Variants in BLTP1 observed in about 807,000 individuals in gnomAD.
BLTP1 encodes fragile site-associated protein.
the BLTP1 span, among the ~76,000 whole-genome samples, chr4:122,154,645 G>A: frequency 2.6e-4 from 40 of 152,226 alleles, no homozygotes; most frequent in Non-Finnish European, 4.3e-4. Flanking sequence ...AGGCCGAGGC[G>A]GGCGGATCAC....
At chr4:122,178,254 C>A in the BLTP1 span, 1 of 552,856 alleles carries the variant, frequency 1.8e-6, no homozygotes, top group Non-Finnish European at 2.3e-6. Context: ...TACCAGGAAA[C>A]TCTTTTAAAT....
At chr4:122,327,309 C>G in the BLTP1 span, among the ~76,000 whole-genome samples, 1 of 151,616 alleles carries the variant, frequency 6.6e-6, no homozygotes, top group African/African-American at 2.4e-5. Context: ...TTGCACATAA[C>G]CTACATACAT....
chr4:122,271,058 G>T, the BLTP1 span: 1 of 1,613,324 alleles, frequency 6.2e-7, no homozygotes, highest in Admixed American at 1.7e-5. Flanking sequence ...GTTCAAACCA[G>T]CATTAATGTT....
chr4:122,170,688 C>G, the BLTP1 span: 2 of 1,597,682 alleles, frequency 1.3e-6, no homozygotes, highest in Non-Finnish European at 1.7e-6. Flanking sequence ...CCTAGTATAA[C>G]TCAATTAGAA....
chr4:122,159,644 G>T, the BLTP1 span, among the ~76,000 whole-genome samples: 3 of 152,020 alleles, frequency 2.0e-5, no homozygotes, highest in African/African-American at 7.3e-5. Context: ...GTCAAGTGCT[G>T]TGCTGTGAGT....
the BLTP1 span, chr4:122,197,054 T>C: frequency 1.8e-6 from 1 of 565,232 alleles, no homozygotes; most frequent in Non-Finnish European, 2.9e-6. Flanking sequence ...GTATTTTTGG[T>C]AAAAATTTGA....
chr4:122,279,930 C>A, the BLTP1 span: 1 of 1,614,152 alleles, frequency 6.2e-7, no homozygotes, highest in South Asian at 1.1e-5. Context: ...GTTCGAAGTT[C>A]TCACCAACTA....
At chr4:122,154,999 C>CA in the BLTP1 span, 1 of 859,648 alleles carries the variant, frequency 1.2e-6, no homozygotes, top group Non-Finnish European at 1.4e-6. Flanking sequence ...AAGACATGAT[C>CA]AAAGGTGATT....
chr4:122,189,139 T>A, the BLTP1 span: 1 of 882,468 alleles, frequency 1.1e-6, no homozygotes, highest in South Asian at 5.2e-5. Context: ...TATTAATAAT[T>A]TGTATAAAAA....
chr4:122,240,429 T>C, the BLTP1 span: 3 of 1,270,068 alleles, frequency 2.4e-6, no homozygotes, highest in Non-Finnish European at 3.3e-6. Context: ...TTTTCATAAT[T>C]ACTCTCATTC....
the BLTP1 span, among the ~76,000 whole-genome samples, chr4:122,268,286 A>G: frequency 1.3e-5 from 2 of 151,480 alleles, no homozygotes; most frequent in African/African-American, 4.9e-5. Context: ...CTTATCAAAG[A>G]GTAGTTTGAA....
chr4:122,269,472 C>T, the BLTP1 span: 12 of 985,158 alleles, frequency 1.2e-5, no homozygotes, highest in East Asian at 1.1e-4. Context: ...TTTCTACTAA[C>T]GCGCCAGCTC....
chr4:122,309,464 TGTGA>T, the BLTP1 span: 1 of 1,611,650 alleles, frequency 6.2e-7, no homozygotes, highest in Non-Finnish European at 8.5e-7. Context: ...GATGAATGCC[TGTGA>T]GTATCTTTTA....
the BLTP1 span, among the ~76,000 whole-genome samples, chr4:122,278,680 G>A: frequency 6.6e-6 from 1 of 152,160 alleles, no homozygotes; most frequent in Non-Finnish European, 1.5e-5. Context: ...TCCCCATGCG[G>A]GAGTGCAGTG....
chr4:122,295,186 A>G, the BLTP1 span, among the ~76,000 whole-genome samples: 1 of 152,182 alleles, frequency 6.6e-6, no homozygotes, highest in Non-Finnish European at 1.5e-5. Context: ...TGGAAAACAT[A>G]CTTCAGGATA....
the BLTP1 span, among the ~76,000 whole-genome samples, chr4:122,198,804 A>G: frequency 6.6e-6 from 1 of 152,176 alleles, no homozygotes; most frequent in African/African-American, 2.4e-5. Flanking sequence ...AAAGAAAAAA[A>G]GCCCAGAGCA....
chr4:122,287,857 T>C, the BLTP1 span: 1 of 290,818 alleles, frequency 3.4e-6, no homozygotes, highest in Non-Finnish European at 5.1e-6. Context: ...ACTTGTACTT[T>C]CTACTCTGAA....
At chr4:122,307,637 A>G in the BLTP1 span, 1 of 985,292 alleles carries the variant, frequency 1.0e-6, no homozygotes, top group Non-Finnish European at 1.2e-6. Flanking sequence ...GTCTGTTTTC[A>G]TTTGTTATTC....
the BLTP1 span, chr4:122,258,706 G>T: frequency 1.2e-6 from 2 of 1,613,170 alleles, no homozygotes; most frequent in Non-Finnish European, 1.7e-6. Context: ...TTCAGCCACA[G>T]TCAGTGAACA....
Sources: gnomAD v4.1 joint callset for allele counts (sites outside exome capture counted in the v4.1 genomes callset) on GRCh38, gnomAD v4.1.1 for gene constraint, MANE v1.5 for transcripts, NCBI Gene and HGNC (gene_info 2026-07-23, HGNC 2026-07-21) for gene names.